The following TFF2 variants were observed in gnomAD, a reference collection of about 807,000 sequenced individuals.
The protein encoded by TFF2 is trefoil factor 2.
In TFF2, 19 loss-of-function variants were observed where a neutral mutation model predicts 16.0. The ratio of observed to expected loss-of-function variants is 1.19; its 90% CI spans 0.83 to 1.74. The LOEUF (loss-of-function observed/expected upper bound fraction) is 1.74, where lower values mean the gene tolerates loss of function less well. TFF2 is among the 40% of genes most tolerant of loss of function. The probability of loss-of-function intolerance (pLI) is 0.00; values close to 1 mark genes in which losing one functional copy is unlikely to be tolerated. For synonymous variants in TFF2, 61 were observed against 65.4 expected (o/e 0.93, Z 0.32); for missense variants, 168 against 166.8 (o/e 1.01, Z -0.04).
At chr21:42,350,793 C>G in intron 1 of TFF2, 86 bp downstream of exon 1, 1 of 1,399,660 alleles carries the variant, frequency 7.1e-7, no homozygotes, top group Admixed American at 2.1e-5. Flanking sequence ...GCCATTCCCC[C>G]TCTCAAGTTA....
In TFF2 at chr21:42,350,950, C is replaced by G; in HGVS notation, c.8G>C (p.Arg3Pro). ...CGCTGCCAGGAGCTGGGCGTCTCGC[C>G]GTCCCATGTCTAGCTCAGCTGCACC... MG[R>P]RDAQLLAALL... Residue 3 changes from arginine to proline, a missense_variant, in exon 1 of 4, where the codon CGG (arginine) becomes CCG (proline). Arg to Pro is a moderately radical substitution (Grantham distance 103). Transcript: ENST00000291526. 1 of 1,613,914 alleles carries G rather than the reference C, an allele frequency of 6.2e-7. No individual in the cohort carries two copies. Among genetic ancestry groups the G allele is most frequent in the Non-Finnish European group, 8.5e-7 (1 of 1,179,902 alleles).
intron 3 of TFF2, 92 bp downstream of exon 3, chr21:42,347,394 G>A (rs998908913): frequency 2.6e-6 from 4 of 1,558,754 alleles, no homozygotes; most frequent in Non-Finnish European, 3.5e-6. Flanking sequence ...CTGAGGCTGC[G>A]AGGCAGCTCC....
Position 42,349,862 on chromosome 21 carries a change from A to G in TFF2, c.229+19T>C. ...TGGGTTGCCAGCTGCTGGCCCAGGA[A>G]GATTCCCTGGAAGATTACCTTGCTT... is the stretch of plus-strand genomic sequence containing the variant. On this transcript the variant is annotated intron_variant, in intron 2 of 3. Transcript: ENST00000291526. The G allele has an allele frequency of 6.3e-7, 1 of 1,579,014 alleles. No individual in the cohort carries two copies. Among genetic ancestry groups the G allele is most frequent in the Non-Finnish European group, 8.6e-7 (1 of 1,161,142 alleles).
Position 42,350,002 on chromosome 21 carries a change from G to T in TFF2, c.108C>A (p.Pro36=). 1 of 1,600,360 alleles carries T rather than the reference G, an allele frequency of 6.2e-7. No homozygotes were observed. The highest frequency in any genetic ancestry group is 2.2e-5 in the East Asian group (1 of 44,448). The change falls in exon 2 of 4, where the codon CCC becomes CCA. Residue 36 remains proline (P), a synonymous_variant. Transcript: ENST00000291526. ...GGAAGCCGCAGTTCGTCCTGTTATG[G>T]GGGCTCAGCCTGGAGCACTGGCAGG... is the stretch of plus-strand genomic sequence containing the variant. ...PSPCQCSRLS[P]HNRTNCGFPG...
chr21:42,348,483 C>CAGTTTTCAACA (rs1430249715), intron 2 of TFF2, among the ~76,000 whole-genome samples: 1 of 152,310 alleles, frequency 6.6e-6, no homozygotes, highest in African/African-American at 2.4e-5. Context: ...GATGGCTCCA[C>CAGTTTTCAACA]ACACACATGT....
In TFF2 at chr21:42,346,446, A is replaced by G; in HGVS notation, c.*87T>C. The stretch of plus-strand genomic sequence containing the variant: ...GATGGTTAAGAAAACCCAGGATTTC[A>G]TGAAGTATGAAGCTGATAAGGCGAA... On this transcript the variant is annotated 3_prime_UTR_variant, in exon 4 of 4. Coordinates refer to ENST00000291526, the MANE Select transcript of TFF2 (RefSeq NM_005423.5). The G allele has an allele frequency of 6.6e-7, 1 of 1,512,326 alleles. No individual in the cohort carries two copies. The highest frequency in any genetic ancestry group is 2.3e-5 in the East Asian group (1 of 44,258). 93.7% of individuals were successfully genotyped at this position (1,512,326 alleles called of 1,614,324 possible).
At position 42,349,914 on chromosome 21, in the gene TFF2, C is replaced by A; in HGVS notation, c.196G>T (p.Val66Phe). 6.2e-7 allele frequency: 1 copy of A among 1,601,088 alleles called. No individual in the cohort carries two copies. Among genetic ancestry groups the A allele is most frequent in the Non-Finnish European group, 8.5e-7 (1 of 1,173,748 alleles). The stretch of plus-strand genomic sequence containing the variant: ...GGGAGGGGGTGGAAACACCAGGGGA[C>A]CCCAGTGACACTGGAGTCGAAACAG... ...GCCFDSSVTG[V>F]PWCFHPLPKQ... is the part of the protein sequence containing the mutation. The change falls in exon 2 of 4, where the codon GTC (valine) becomes TTC (phenylalanine). Residue 66 changes from valine to phenylalanine, a missense_variant. Coordinates refer to ENST00000291526, the MANE Select transcript of TFF2 (RefSeq NM_005423.5).
intron 2 of TFF2, among the ~76,000 whole-genome samples, chr21:42,347,844 G>C (rs2052081685): frequency 6.6e-6 from 1 of 152,196 alleles, no homozygotes; most frequent in Non-Finnish European, 1.5e-5. Context: ...TGGAAGTGTC[G>C]GCCCCAGCGA....
Position 42,346,556 on chromosome 21 carries a change from T to C in TFF2, c.377-10A>G. 1.9e-6 allele frequency: 3 copies of C among 1,595,668 alleles called. No individual in the cohort carries two copies. The highest frequency in any genetic ancestry group is 2.6e-6 in the Non-Finnish European group (3 of 1,174,676). On this transcript the variant is annotated splice_polypyrimidine_tract_variant and intron_variant, in intron 3 of 3. Coordinates refer to ENST00000291526, the MANE Select transcript of TFF2 (RefSeq NM_005423.5). ...TCTTAGTAATGGCAGTCTAGAAGTT[T>C]AAATGCAAGATGGTTGGTAAGGGAA... is the stretch of plus-strand genomic sequence containing the variant.
At chr21:42,347,895 G>A (rs1330031035) in intron 2 of TFF2, among the ~76,000 whole-genome samples, 1 of 152,202 alleles carries the variant, frequency 6.6e-6, no homozygotes, top group Non-Finnish European at 1.5e-5. Flanking sequence ...GGGCCCATGT[G>A]GGGTGGTCAC....
Position 42,350,938 on chromosome 21 carries a change from T to G in TFF2, c.20A>C (p.Gln7Pro), listed in dbSNP as rs116946921. The change falls in exon 1 of 4, where the codon CAG becomes CCG. Residue 7 changes from glutamine to proline, a missense_variant. Transcript: ENST00000291526. ...CAGGACGAGGAGCGCTGCCAGGAGC[T>G]GGGCGTCTCGCCGTCCCATGTCTAG... MGRRDA[Q>P]LLAALLVLGL... 7.5e-3 allele frequency: 12,100 copies of G among 1,613,954 alleles called. 58 individuals are homozygous for G. The highest frequency in any genetic ancestry group is 9.0e-3 in the Non-Finnish European group (10,637 of 1,179,916).
rs1010769154 is a variant in TFF2 at position 42,350,805 on chromosome 21, T to C, written c.79+74A>G. ...ATAGCCATTCCCCCTCTCAAGTTAATTTATGGTTGTGCTTTTTTTTTTTCT... is the reference window on the plus strand; with the variant it reads ...ATAGCCATTCCCCCTCTCAAGTTAACTTATGGTTGTGCTTTTTTTTTTTCT... On this transcript the variant is annotated intron_variant, in intron 1 of 3. Coordinates refer to ENST00000291526, the MANE Select transcript of TFF2 (RefSeq NM_005423.5). 8.2e-6 allele frequency: 12 copies of C among 1,471,994 alleles called. No individual in the cohort carries two copies. In the African/African-American group the frequency reaches 1.7e-4, roughly 21 times the overall value. The allele number at this position is 1,471,994 out of a possible 1,614,324, so 91.2% of individuals were successfully genotyped here. A position where few individuals can be genotyped will look rare whatever the true frequency, so the allele number is the denominator to read the frequency against.
chr21:42,347,199 G>T (rs1437421213), intron 3 of TFF2, among the ~76,000 whole-genome samples: 1 of 152,248 alleles, frequency 6.6e-6, no homozygotes, highest in Non-Finnish European at 1.5e-5. Flanking sequence ...AACAGGCAAC[G>T]CCTCTGAACG....
At chr21:42,350,763 C>T (rs555665834) in intron 1 of TFF2, 116 bp downstream of exon 1, 3 of 1,094,168 alleles carry the variant, frequency 2.7e-6, no homozygotes, top group Non-Finnish European at 3.9e-6. Context: ...GAACAACACA[C>T]ATTGCCAGAT....
rs556785400 is a variant in TFF2, at chr21:42,347,477, C to T, written c.376+9G>A. The T allele has an allele frequency of 5.6e-6, 9 of 1,613,974 alleles. No individual in the cohort carries two copies. Among genetic ancestry groups the T allele is most frequent in the African/African-American group, 4.0e-5 (3 of 74,932 alleles). The stretch of plus-strand genomic sequence containing the variant: ...GGGAACCAGACAGAGAGTCCCACAG[C>T]GACGTTACCTTCCACAGACTTCGGG... On this transcript the variant is annotated intron_variant, in intron 3 of 3. Transcript: ENST00000291526.
chr21:42,349,800 G>A (rs34333540), intron 2 of TFF2, 81 bp downstream of exon 2: 758,805 of 1,409,210 alleles, frequency 0.54, 206,344 homozygotes, highest in African/African-American at 0.64. Flanking sequence ...GGCCTCCTCC[G>A]GCCCCTGCTC....
chr21:42,349,886 T>A lies in TFF2; in HGVS notation c.224A>T (p.Lys75Met). 1.9e-6 allele frequency: 3 copies of A among 1,595,402 alleles called. No homozygotes were observed. Among genetic ancestry groups the A allele is most frequent in the Non-Finnish European group, 2.6e-6 (3 of 1,170,534 alleles). The change falls in exon 2 of 4, where the codon AAG becomes ATG. Residue 75 changes from lysine to methionine, a missense_variant. Lys to Met is a moderately conservative substitution (Grantham distance 95). Coordinates refer to ENST00000291526, the MANE Select transcript of TFF2 (RefSeq NM_005423.5). Reference protein sequence around the residue: ...GVPWCFHPLPKQESDQCVMEV... With the variant: ...GVPWCFHPLPMQESDQCVMEV... ...AAGATTCCCTGGAAGATTACCTTGCTTTGGGAGGGGGTGGAAACACCAGGG... is the reference window on the plus strand; with the variant it reads ...AAGATTCCCTGGAAGATTACCTTGCATTGGGAGGGGGTGGAAACACCAGGG...
In TFF2 at chr21:42,346,596, G is replaced by A. The variant is rs760585214; in HGVS notation, c.377-50C>T. On this transcript the variant is annotated intron_variant, in intron 3 of 3. Transcript: ENST00000291526. ...TGGTAAGGGAACCCCAGAAATGGGA[G>A]TGCCTAGGCTGCGAAGCTGGGGTGG... 5 of 1,568,802 alleles carry A rather than the reference G, an allele frequency of 3.2e-6. No homozygotes were observed. In the African/African-American group the frequency reaches 4.2e-5, roughly 13 times the overall value.
At chr21:42,347,444 T>C (rs759530532) in intron 3 of TFF2, 42 bp downstream of exon 3, 1 of 1,612,764 alleles carries the variant, frequency 6.2e-7, no homozygotes, top group South Asian at 1.1e-5. Context: ...GGAGGAATCA[T>C]GGTGTCCGGG....
Sources: allele counts gnomAD v4.1 joint callset (sites outside exome capture counted in the v4.1 genomes callset), GRCh38; gene constraint gnomAD v4.1.1; transcripts MANE v1.5; gene names NCBI Gene and HGNC (gene_info 2026-07-23, HGNC 2026-07-21).